Variants in RBFOX1 observed in about 807,000 individuals in gnomAD.
RBFOX1 encodes RNA binding fox-1 homolog 1.
RBFOX1 carries 8 observed loss-of-function variants against 57.7 expected under a neutral mutation model. The ratio of observed to expected loss-of-function variants is 0.14; its 90% CI spans 0.08 to 0.25. The LOEUF is 0.25. RBFOX1 is among the 10% of genes least tolerant of loss of function. The probability of loss-of-function intolerance (pLI) is 1.00; values close to 1 mark genes in which losing one functional copy is unlikely to be tolerated. For synonymous variants in RBFOX1, 326 were observed against 222.4 expected (o/e 1.47, Z -4.15); for missense variants, 611 against 548.5 (o/e 1.11, Z -1.14).
At chr16:6,922,209 A>G (rs929376075) in intron 3 of RBFOX1, among the ~76,000 whole-genome samples, 5 of 152,116 alleles carry the variant, frequency 3.3e-5, no homozygotes, top group African/African-American at 1.2e-4. Flanking sequence ...TTCTTGCTAC[A>G]ATGGAGAGGT....
intron 3 of RBFOX1, among the ~76,000 whole-genome samples, chr16:5,850,581 C>T (rs2056870488): frequency 6.6e-6 from 1 of 152,194 alleles, no homozygotes. Flanking sequence ...GCAGACACCT[C>T]TGCATGTTTA....
chr16:7,096,133 T>A (rs1170266184), intron 4 of RBFOX1, among the ~76,000 whole-genome samples: 1 of 152,046 alleles, frequency 6.6e-6, no homozygotes, highest in African/African-American at 2.4e-5. Flanking sequence ...CCAATCTTCA[T>A]ATAACTTACA....
chr16:6,899,773 A>G (rs2067989423), intron 3 of RBFOX1, among the ~76,000 whole-genome samples: 1 of 152,246 alleles, frequency 6.6e-6, no homozygotes, highest in African/African-American at 2.4e-5. Flanking sequence ...GAAGTACATC[A>G]TACTTACATA....
intron 3 of RBFOX1, among the ~76,000 whole-genome samples, chr16:6,666,655 C>T (rs1387119100): frequency 6.6e-6 from 1 of 152,068 alleles, no homozygotes. Context: ...GGCTGTACTG[C>T]CTCTTCCAAG....
chr16:6,344,372 T>A (rs1196161954), intron 2 of RBFOX1, among the ~76,000 whole-genome samples: 1 of 147,248 alleles, frequency 6.8e-6, no homozygotes, highest in Non-Finnish European at 1.5e-5. Flanking sequence ...AATTACACAA[T>A]CTTTCCTTCT....
At chr16:6,124,989 C>T (rs537684288) in intron 1 of RBFOX1, among the ~76,000 whole-genome samples, 1 of 152,232 alleles carries the variant, frequency 6.6e-6, no homozygotes, top group East Asian at 1.9e-4. Context: ...CCAAGTTGAG[C>T]CAACGCTTTG....
At chr16:7,335,584 G>GGAA (rs2096771095) in intron 4 of RBFOX1, among the ~76,000 whole-genome samples, 1 of 74,652 alleles carries the variant, frequency 1.3e-5, no homozygotes, top group Non-Finnish European at 2.5e-5. Flanking sequence ...CTCAGATAAA[G>GGAA]AAAAAAAAAA....
chr16:6,731,723 G>C (rs191531017), intron 3 of RBFOX1, among the ~76,000 whole-genome samples: 1 of 152,050 alleles, frequency 6.6e-6, no homozygotes, highest in African/African-American at 2.4e-5. Flanking sequence ...TTGTATATCT[G>C]GCTTCTTAGT....
Position 6,384,940 on chromosome 16 carries a change from A to G in RBFOX1, c.-64+67883A>G, listed in dbSNP as rs59407349. Among the ~76,000 whole-genome samples, 742 of 152,320 alleles carry G rather than the reference A, an allele frequency of 4.9e-3. 12 individuals are homozygous for G. Among genetic ancestry groups the G allele is most frequent in the African/African-American group, 0.016 (685 of 41,562 alleles). ...CCTCTCTTAAGAAACTTACACCCAG[A>G]AACTGCTCCATTTCTGTGTAAATGG... On this transcript the variant is annotated intron_variant, in intron 2 of 15. Coordinates refer to ENST00000550418, the MANE Select transcript of RBFOX1 (RefSeq NM_018723.4).
intron 14 of RBFOX1, among the ~76,000 whole-genome samples, chr16:7,684,359 CTG>C (rs1247863567): frequency 1.3e-5 from 2 of 151,996 alleles, no homozygotes; most frequent in African/African-American, 4.8e-5. Flanking sequence ...GGATGGGAGT[CTG>C]TGGGGCAAAA....
At chr16:6,845,349 T>C (rs1441563092) in intron 3 of RBFOX1, among the ~76,000 whole-genome samples, 1 of 151,690 alleles carries the variant, frequency 6.6e-6, no homozygotes, top group Non-Finnish European at 1.5e-5. Flanking sequence ...CTTGAGTTAA[T>C]TTTTGTGTAT....
At chr16:5,768,275 A>G (rs1386458345) in intron 3 of RBFOX1, among the ~76,000 whole-genome samples, 1 of 152,228 alleles carries the variant, frequency 6.6e-6, no homozygotes, top group African/African-American at 2.4e-5. Context: ...TGATTTAACA[A>G]AGGAAGCGCT....
intron 1 of RBFOX1, among the ~76,000 whole-genome samples, chr16:5,462,836 G>C (rs547577523): frequency 4.1e-4 from 62 of 152,220 alleles, no homozygotes; most frequent in African/African-American, 1.4e-3. Context: ...GGTGGGTAAA[G>C]GCCAGGGGCA....
chr16:5,349,970 G>A (rs1480552434), intron 1 of RBFOX1, among the ~76,000 whole-genome samples: 1 of 152,106 alleles, frequency 6.6e-6, no homozygotes, highest in African/African-American at 2.4e-5. Flanking sequence ...TAATTACCCA[G>A]GCTAATTAAA....
rs183596664 is a variant in RBFOX1, at chr16:5,273,303, C to A, written c.219+33198C>A. Among the ~76,000 whole-genome samples the A allele has an allele frequency of 2.6e-5, 4 of 152,052 alleles. No homozygotes were observed. The East Asian group carries it at 7.8e-4, about 29-fold the overall frequency. On this transcript the variant is annotated intron_variant, in intron 1 of 2. Transcript: ENST00000585867. ...GCTAATAGCTTCAACCTCAAGAGTC[C>A]CATTATACAGACACTAATAGCACCT...
chr16:6,926,131 C>A (rs1260096925), intron 3 of RBFOX1, among the ~76,000 whole-genome samples: 1 of 151,882 alleles, frequency 6.6e-6, no homozygotes, highest in African/African-American at 2.4e-5. Flanking sequence ...CATGATGAAA[C>A]CCTGTCTCTA....
intron 4 of RBFOX1, among the ~76,000 whole-genome samples, chr16:7,469,021 C>T (rs891357243): frequency 6.6e-6 from 1 of 151,994 alleles, no homozygotes; most frequent in African/African-American, 2.4e-5. Context: ...GCAAGCTCCA[C>T]CGCCCAGGTT....
chr16:7,527,279 G>A (rs1010084588), intron 5 of RBFOX1, among the ~76,000 whole-genome samples: 1 of 152,026 alleles, frequency 6.6e-6, no homozygotes, highest in African/African-American at 2.4e-5. Context: ...CATGGCCCTT[G>A]GCTTTCAGGA....
chr16:7,076,232 C>T (rs1263708222), intron 4 of RBFOX1, among the ~76,000 whole-genome samples: 1 of 151,628 alleles, frequency 6.6e-6, no homozygotes, highest in Non-Finnish European at 1.5e-5. Flanking sequence ...TGGGGTTTCA[C>T]CATGTTGGCC....
Sources: allele counts gnomAD v4.1 joint callset (sites outside exome capture counted in the v4.1 genomes callset), GRCh38; gene constraint gnomAD v4.1.1; transcripts MANE v1.5; gene names NCBI Gene and HGNC (gene_info 2026-07-23, HGNC 2026-07-21).